COLGALT1: variants seen among roughly 807,000 people sequenced by gnomAD.
COLGALT1 encodes collagen beta(1-O)galactosyltransferase 1, also known as procollagen galactosyltransferase 1.
A neutral mutation model predicts 60.8 loss-of-function variants in COLGALT1; 43 were observed. That is an observed-to-expected ratio of 0.71 (90% CI 0.55 to 0.91). The LOEUF is 0.91. Among genes scored for constraint, COLGALT1 ranks in the 40% least tolerant of loss-of-function variants. The pLI, the probability that COLGALT1 is intolerant of heterozygous loss-of-function variation, is 0.00. For missense variants in COLGALT1, 845 were observed against 880.0 expected (o/e 0.96, Z 0.50); for synonymous variants, 369 against 374.2 (o/e 0.99, Z 0.16).
rs759310603 is a variant in COLGALT1 at position 17,572,506 on chromosome 19, AAGG to A, written c.859_861del (p.Glu287del). ...AGAGGTTCAGATGTATGTGTGCAACAAGGAGGAGTACGGATTCTTGCCAGTGCC... is the reference window on the plus strand; with the variant it reads ...AGAGGTTCAGATGTATGTGTGCAACAAGGAGTACGGATTCTTGCCAGTGCC... On this transcript the variant is annotated inframe_deletion, in exon 6 of 12. Transcript: ENST00000252599. The A allele has an allele frequency of 1.9e-6, 3 of 1,614,146 alleles. No individual in the cohort carries two copies. Among genetic ancestry groups the A allele is most frequent in the Non-Finnish European group, 1.7e-6 (2 of 1,180,020 alleles).
Position 17,556,478 on chromosome 19 carries a change from C to T in COLGALT1, c.260+505C>T, listed in dbSNP as rs532218518. ...GCCTGGCTCCAGGCCCCAGTCAAACCCCTGCCCTCAGACCGGCGTGGGTGG... is the reference window on the plus strand; with the variant it reads ...GCCTGGCTCCAGGCCCCAGTCAAACTCCTGCCCTCAGACCGGCGTGGGTGG... On this transcript the variant is annotated intron_variant, in intron 1 of 11. Coordinates refer to ENST00000252599, the MANE Select transcript of COLGALT1 (RefSeq NM_024656.4). The T allele has an allele frequency of 2.6e-5, 25 of 965,230 alleles. No individual in the cohort carries two copies. In the African/African-American group the frequency reaches 4.2e-4, roughly 16 times the overall value. The allele number at this position is 965,230 out of a possible 1,614,324, so 59.8% of individuals were successfully genotyped here.
In COLGALT1 at chr19:17,555,650, A is replaced by C. The variant is rs915368953; in HGVS notation, c.-64A>C. The C allele has an allele frequency of 1.7e-6, 2 of 1,158,162 alleles. No individual in the cohort carries two copies. Among genetic ancestry groups the C allele is most frequent in the African/African-American group, 3.2e-5 (2 of 61,600 alleles). 71.7% of individuals were successfully genotyped at this position (1,158,162 alleles called of 1,614,324 possible). ...CGCGCGGCCGGGCGGGGCCCCTATG[A>C]CCCCTTTAAGGCGCGGCCAGAGTCC... On this transcript the variant is annotated 5_prime_UTR_variant, in exon 1 of 12. Transcript: ENST00000252599.
At chr19:17,579,711 T>A in intron 10 of COLGALT1, 102 bp downstream of exon 10, 7 of 1,404,274 alleles carry the variant, frequency 5.0e-6, no homozygotes, top group African/African-American at 1.4e-5. Context: ...TGGGGATGGG[T>A]CATGGCTTAG....
chr19:17,581,209 A>G lies in COLGALT1; in HGVS notation c.1634A>G (p.Asn545Ser). The change falls in exon 12 of 12, where the codon AAC becomes AGC. Residue 545 changes from asparagine (N) to serine (S), a missense_variant. Physicochemically the swap from Asn to Ser is conservative, Grantham distance 46 (BLOSUM62 1). Coordinates refer to ENST00000252599, the MANE Select transcript of COLGALT1 (RefSeq NM_024656.4). ...SEYKAHFSLR[N>S]LHAFSVEPLL... ...TACAAGGCCCACTTCTCCCTCCGCA[A>G]CCTGCATGCCTTCTCTGTGGAGCCG... The G allele has an allele frequency of 6.2e-7, 1 of 1,602,088 alleles. No homozygotes were observed. The highest frequency in any genetic ancestry group is 1.7e-4 in the Middle Eastern group (1 of 5,964).
chr19:17,573,652 C>T (rs561171985), intron 6 of COLGALT1, among the ~76,000 whole-genome samples: 49 of 151,904 alleles, frequency 3.2e-4, no homozygotes, highest in Non-Finnish European at 6.2e-4. Context: ...GAGCCATAAT[C>T]GTGCCACTGC....
intron 11 of COLGALT1, 32 bp from the exon 12 acceptor site, chr19:17,581,145 G>T: frequency 6.3e-7 from 1 of 1,594,520 alleles, no homozygotes. Flanking sequence ...TGAAGCCATT[G>T]CTGCCCCTCA....
chr19:17,580,555 C>A, intron 10 of COLGALT1, 144 bp from the exon 11 acceptor site: 1 of 756,282 alleles, frequency 1.3e-6, no homozygotes, highest in Non-Finnish European at 2.1e-6. Context: ...CTCCTGCATT[C>A]ACTCCATCCA....
rs765332391 is a variant in COLGALT1, at chr19:17,577,399, G to A, written c.1065G>A (p.Arg355=). 6.3e-6 allele frequency: 10 copies of A among 1,579,784 alleles called. No individual in the cohort carries two copies. The African/African-American group carries it at 6.8e-5, about 11-fold the overall frequency. The change falls in exon 8 of 12, where the codon CGG becomes CGA. Residue 355 remains arginine, a synonymous_variant. Transcript: ENST00000252599. ...MINLRRRQDR[R]ERMLRALQAQ... is the part of the protein sequence containing the mutation. ...ACCTGAGGCGGCGGCAGGACCGGCG[G>A]GAGCGCATGCTGCGGGCGCTGCAGG...
Position 17,580,812 on chromosome 19 carries a change from T to C in COLGALT1, c.1508T>C (p.Leu503Pro). The C allele has an allele frequency of 6.2e-7, 1 of 1,614,020 alleles. No individual in the cohort carries two copies. The highest frequency in any genetic ancestry group is 8.5e-7 in the Non-Finnish European group (1 of 1,179,994). ...TGGACCCTGGCCTACGTGATCTCCC[T>C]GCAAGGCGCCCGCAAACTGCTGGCT... is the stretch of plus-strand genomic sequence containing the variant. ...SYWTLAYVIS[L>P]QGARKLLAAE... is the part of the protein sequence containing the mutation. The change falls in exon 11 of 12, where the codon CTG becomes CCG. Residue 503 changes from leucine to proline, a missense_variant. Transcript: ENST00000252599.
At chr19:17,560,610 G>A (rs1568472947) in intron 3 of COLGALT1, 145 bp downstream of exon 3, 1 of 672,516 alleles carries the variant, frequency 1.5e-6, no homozygotes, top group East Asian at 2.7e-5. Context: ...TGAGTTGCTT[G>A]AGGTGATATG....
chr19:17,556,041 G>A, intron 1 of COLGALT1, 68 bp downstream of exon 1: 2 of 1,261,558 alleles, frequency 1.6e-6, no homozygotes, highest in South Asian at 2.5e-5. Flanking sequence ...CCATAGGGGT[G>A]GGTCCACGCG....
At chr19:17,580,564 C>T in intron 10 of COLGALT1, 135 bp from the exon 11 acceptor site, 1 of 801,586 alleles carries the variant, frequency 1.2e-6, no homozygotes, top group Non-Finnish European at 2.0e-6. Flanking sequence ...TCACTCCATC[C>T]AGTCACAGAG....
In COLGALT1 at chr19:17,577,196, G is replaced by C. The variant is rs781722786; in HGVS notation, c.951G>C (p.Val317=). ...CTCCTCAACGTCTGTGCCCCACAGT[G>C]AAGCACCCGCCCGCAGAGCCCTCCC... ...SFMHVQLEVM[V]KHPPAEPSRF... is the part of the protein sequence containing the mutation. The change falls in exon 7 of 12, where the codon GTG becomes GTC. Residue 317 remains valine (V), a splice_region_variant and synonymous_variant. Coordinates refer to ENST00000252599, the MANE Select transcript of COLGALT1 (RefSeq NM_024656.4). 5 of 1,613,178 alleles carry C rather than the reference G, an allele frequency of 3.1e-6. No homozygotes were observed. Among genetic ancestry groups the C allele is most frequent in the Admixed American group, 3.3e-5 (2 of 59,972 alleles).
chr19:17,575,628 C>T (rs2076336419), intron 6 of COLGALT1, among the ~76,000 whole-genome samples: 2 of 152,042 alleles, frequency 1.3e-5, no homozygotes, highest in Non-Finnish European at 2.9e-5. Context: ...ATCTGCCCAC[C>T]TCAGCCTCCC....
chr19:17,578,285 A>T (rs2076357450), intron 9 of COLGALT1, among the ~76,000 whole-genome samples, 196 bp downstream of exon 9: 1 of 151,866 alleles, frequency 6.6e-6, no homozygotes, highest in Admixed American at 6.6e-5. Flanking sequence ...CCATCCTTCC[A>T]TTGCGCAAAT....
chr19:17,572,557 C>T lies in COLGALT1; in HGVS notation c.904C>T (p.Gln302Ter). The change falls in exon 6 of 12, where the codon CAG becomes TAG. Residue 302 changes from glutamine to a stop codon, truncating the protein, a stop_gained. Transcript: ENST00000252599. LOFTEE classifies it high-confidence loss of function. ...PVPLRAHSTL[Q>*]DEAESFMHVQ... ...GCCATTGCGCGCCCACAGCACCCTCCAGGATGAGGCCGAGAGCTTCATGCA... is the reference window on the plus strand; with the variant it reads ...GCCATTGCGCGCCCACAGCACCCTCTAGGATGAGGCCGAGAGCTTCATGCA... 6.2e-7 allele frequency: 1 copy of T among 1,614,192 alleles called. No homozygotes were observed. The highest frequency in any genetic ancestry group is 8.5e-7 in the Non-Finnish European group (1 of 1,180,040).
At chr19:17,563,003 T>A (rs892232138) in intron 3 of COLGALT1, among the ~76,000 whole-genome samples, 2 of 151,846 alleles carry the variant, frequency 1.3e-5, no homozygotes, top group Non-Finnish European at 2.9e-5. Context: ...GGCAGAGAGG[T>A]GGATCTGGAG....
chr19:17,576,872 G>A (rs1047486466), intron 6 of COLGALT1, among the ~76,000 whole-genome samples: 3 of 150,862 alleles, frequency 2.0e-5, no homozygotes, highest in Non-Finnish European at 4.4e-5. Flanking sequence ...GGGTGAGGCT[G>A]GGACCTGGGG....
At chr19:17,570,536 G>A (rs1033341358) in intron 5 of COLGALT1, among the ~76,000 whole-genome samples, 4 of 151,862 alleles carry the variant, frequency 2.6e-5, no homozygotes, top group Admixed American at 6.6e-5. Context: ...CGTGAGCTAC[G>A]GTGCCTGGCC....
Sources: allele counts gnomAD v4.1 joint callset (sites outside exome capture counted in the v4.1 genomes callset), GRCh38; gene constraint gnomAD v4.1.1; transcripts MANE v1.5; gene names NCBI Gene and HGNC (gene_info 2026-07-23, HGNC 2026-07-21).